Variants in PCDHA8 observed in about 807,000 individuals in gnomAD.
PCDHA8 encodes protocadherin alpha 8.
In PCDHA8, 53 loss-of-function variants were observed where a neutral mutation model predicts 61.8. The ratio of observed to expected loss-of-function variants is 0.86; its 90% CI spans 0.69 to 1.08. The LOEUF is 1.08. Ranked by LOEUF, PCDHA8 falls within the 50% of genes least tolerant of loss-of-function variation. The pLI is 0.00. For missense variants in PCDHA8, 1,293 were observed against 1,245.0 expected (o/e 1.04, Z -0.58); for synonymous variants, 618 against 556.6 (o/e 1.11, Z -1.55).
intron 1 of PCDHA8, among the ~76,000 whole-genome samples, chr5:140,964,926 A>G (rs2095863338): frequency 6.6e-6 from 1 of 152,212 alleles, no homozygotes; most frequent in African/African-American, 2.4e-5. Flanking sequence ...CTGGCTAGGT[A>G]GTGGAGCATT....
At chr5:140,928,809 G>A (rs1563109634) in intron 1 of PCDHA8, 2 of 1,614,078 alleles carry the variant, frequency 1.2e-6, no homozygotes, top group African/African-American at 2.7e-5. Flanking sequence ...TAGTGGTTCG[G>A]GACCATGGAG....
At chr5:140,922,837 C>T (rs1280492516) in intron 1 of PCDHA8, among the ~76,000 whole-genome samples, 2 of 152,134 alleles carry the variant, frequency 1.3e-5, no homozygotes, top group Non-Finnish European at 2.9e-5. Flanking sequence ...AATAGATGTC[C>T]TCAAAGAGAC....
chr5:140,858,013 G>T, intron 1 of PCDHA8: 1 of 1,596,968 alleles, frequency 6.3e-7, no homozygotes, highest in Middle Eastern at 1.7e-4. Context: ...ACCATGGCGA[G>T]CCGTCGCTGA....
rs2150327621 is a variant in PCDHA8, at chr5:140,842,027, AATG to A, written c.709_711del (p.Asp237del). 1 of 1,613,850 alleles carries A rather than the reference AATG, an allele frequency of 6.2e-7. No homozygotes were observed. The highest frequency in any genetic ancestry group is 2.2e-5 in the East Asian group (1 of 44,876). ...GCTGCTGGTCACAGTGCTGGATGTG[AATG>A]ATAATGCTCCCACTTTCGAACAGTC... On this transcript the variant is annotated inframe_deletion, in exon 1 of 4. Transcript: ENST00000531613.
chr5:140,956,701 G>T (rs549659732), intron 1 of PCDHA8, among the ~76,000 whole-genome samples: 1 of 152,138 alleles, frequency 6.6e-6, no homozygotes, highest in Non-Finnish European at 1.5e-5. Context: ...CCATTGTTTG[G>T]AATAGCTTCA....
intron 1 of PCDHA8, chr5:140,851,680 A>G (rs2042128414): frequency 2.2e-6 from 2 of 918,856 alleles, no homozygotes; most frequent in African/African-American, 3.6e-5. Flanking sequence ...AATTTTCTCC[A>G]TTCAGTGATA....
At chr5:140,997,792 T>C (rs1279010273) in intron 3 of PCDHA8, among the ~76,000 whole-genome samples, 1 of 152,160 alleles carries the variant, frequency 6.6e-6, no homozygotes, top group African/African-American at 2.4e-5. Context: ...TATATTATAA[T>C]TTATCCAATT....
At position 140,858,109 on chromosome 5, in the gene PCDHA8, C is replaced by G. The variant is rs782526722; in HGVS notation, c.2394+14394C>G. 17 of 1,597,646 alleles carry G rather than the reference C, an allele frequency of 1.1e-5. 1 individual carries two copies. The highest frequency in any genetic ancestry group is 1.2e-5 in the Non-Finnish European group (14 of 1,167,662). ...CGCGGGCTTCAGTGGGCGTGGCGCC[C>G]GAGGTGGCCCTGGTGGATGTCAACG... On this transcript the variant is annotated intron_variant, in intron 1 of 3. Transcript: ENST00000531613.
chr5:140,891,270 C>T (rs1049558993), intron 1 of PCDHA8, among the ~76,000 whole-genome samples: 1 of 151,570 alleles, frequency 6.6e-6, no homozygotes, highest in East Asian at 1.9e-4. Context: ...TTAATTTTTC[C>T]GTAAGTTATT....
chr5:140,980,890 C>G (rs1554242450), intron 2 of PCDHA8, among the ~76,000 whole-genome samples: 1 of 152,104 alleles, frequency 6.6e-6, no homozygotes, highest in African/African-American at 2.4e-5. Flanking sequence ...TCTTTCCAGT[C>G]TTGGACATCA....
intron 1 of PCDHA8, chr5:140,862,939 T>G (rs2047666977): frequency 1.8e-6 from 1 of 541,782 alleles, no homozygotes; most frequent in South Asian, 1.4e-5. Flanking sequence ...GCGCTGTGAG[T>G]GAGCTGGTGC....
At chr5:140,883,609 C>T (rs2059699123) in intron 1 of PCDHA8, 1 of 1,614,032 alleles carries the variant, frequency 6.2e-7, no homozygotes, top group Non-Finnish European at 8.5e-7. Flanking sequence ...GGGTGGCCGA[C>T]GTGAACGACA....
At chr5:140,970,252 T>G (rs2096392828) in intron 1 of PCDHA8, among the ~76,000 whole-genome samples, 1 of 152,234 alleles carries the variant, frequency 6.6e-6, no homozygotes, top group South Asian at 2.1e-4. Flanking sequence ...GTTGACAGTT[T>G]CTATGGTTTT....
chr5:140,863,237 C>A (rs782024401), intron 1 of PCDHA8: 6 of 1,306,974 alleles, frequency 4.6e-6, no homozygotes, highest in Non-Finnish European at 5.3e-6. Context: ...CCATCGCGGG[C>A]TTTGGCGGGC....
At chr5:140,900,626 T>C (rs958637463) in intron 1 of PCDHA8, among the ~76,000 whole-genome samples, 6 of 152,230 alleles carry the variant, frequency 3.9e-5, no homozygotes, top group Non-Finnish European at 7.3e-5. Flanking sequence ...TGCTTCCAAA[T>C]CTTGGCTATT....
At chr5:140,975,562 A>T (rs1445534188) in intron 1 of PCDHA8, among the ~76,000 whole-genome samples, 2 of 152,206 alleles carry the variant, frequency 1.3e-5, no homozygotes, top group African/African-American at 4.8e-5. Flanking sequence ...GGAAAAGGAG[A>T]TATTATATGC....
At chr5:140,863,300 C>G (rs1554158081) in intron 1 of PCDHA8, 16 of 1,463,970 alleles carry the variant, frequency 1.1e-5, no homozygotes, top group Non-Finnish European at 1.5e-5. Context: ...CTGATCATCG[C>G]CATCTGCGTG....
intron 1 of PCDHA8, chr5:140,882,591 T>C (rs781883775): frequency 1.2e-6 from 2 of 1,614,116 alleles, no homozygotes; most frequent in South Asian, 2.2e-5. Flanking sequence ...CACCTGGAGG[T>C]GATCGTGGAC....
At chr5:140,949,682 A>T (rs1229666281) in intron 1 of PCDHA8, among the ~76,000 whole-genome samples, 3 of 151,768 alleles carry the variant, frequency 2.0e-5, no homozygotes, top group Non-Finnish European at 4.4e-5. Context: ...CCCTTGTTGA[A>T]GCGTATTGTT....
Sources: gnomAD v4.1 joint callset for allele counts (sites outside exome capture counted in the v4.1 genomes callset) on GRCh38, gnomAD v4.1.1 for gene constraint, MANE v1.5 for transcripts, NCBI Gene and HGNC (gene_info 2026-07-23, HGNC 2026-07-21) for gene names.